The following HOXD3 variants were observed in gnomAD, a reference collection of about 807,000 sequenced individuals.
The protein encoded by HOXD3 is homeobox D3, also known as homeobox protein Hox-D3.
HOXD3 carries 13 observed loss-of-function variants against 32.8 expected under a neutral mutation model. That is an observed-to-expected ratio of 0.40 (90% confidence interval 0.26 to 0.63). The LOEUF (loss-of-function observed/expected upper bound fraction) is 0.63, where lower values mean the gene tolerates loss of function less well. HOXD3 is among the 20% of genes least tolerant of loss of function. The pLI, the probability that HOXD3 is intolerant of heterozygous loss-of-function variation, is 0.44. For missense variants in HOXD3, 504 were observed against 577.1 expected, an observed-to-expected ratio of 0.87 and a Z score of 1.30; for synonymous variants, 241 against 246.8, an observed-to-expected ratio of 0.98 and a Z score of 0.22.
intron 3 of HOXD3, among the ~76,000 whole-genome samples, chr2:176,170,922 TG>T (rs1047978724): frequency 6.1e-5 from 9 of 147,766 alleles, no homozygotes; most frequent in Non-Finnish European, 1.2e-4. Flanking sequence ...TTTGTTTGGT[TG>T]GTTTTTTTTT....
At chr2:176,170,709 C>G (rs1180379736) in intron 3 of HOXD3, among the ~76,000 whole-genome samples, 1 of 152,108 alleles carries the variant, frequency 6.6e-6, no homozygotes, top group Non-Finnish European at 1.5e-5. Context: ...CCTGCCCCTC[C>G]TTCCTCAGCT....
At chr2:176,170,823 C>A (rs1691145164) in intron 3 of HOXD3, among the ~76,000 whole-genome samples, 1 of 151,926 alleles carries the variant, frequency 6.6e-6, no homozygotes, top group African/African-American at 2.4e-5. Context: ...AGTGTTGAGG[C>A]TGCTGCTCCT....
rs1691105759 is a variant in HOXD3, at chr2:176,169,528, G to A, written c.414G>A (p.Val138=). The change falls in exon 3 of 4, where the codon GTG becomes GTA. Residue 138 remains valine, a synonymous_variant. Coordinates refer to ENST00000683222, the MANE Select transcript of HOXD3 (RefSeq NM_006898.5). The part of the protein sequence containing the change: ...PSSPTNPGGG[V]PAKKPKGGPN... ...CACCCACCAATCCTGGAGGTGGAGT[G>A]CCTGCCAAGAAGCCCAAAGGTGGGC... 1.9e-6 allele frequency: 3 copies of A among 1,614,042 alleles called. No homozygotes were observed. Among genetic ancestry groups the A allele is most frequent in the Non-Finnish European group, 2.5e-6 (3 of 1,180,000 alleles).
At chr2:176,170,530 C>T (rs1691135487) in intron 3 of HOXD3, among the ~76,000 whole-genome samples, 1 of 152,144 alleles carries the variant, frequency 6.6e-6, no homozygotes, top group Admixed American at 6.5e-5. Flanking sequence ...AATTTTCTGA[C>T]CTTGTGGTAT....
chr2:176,159,210 A>G (rs1574977698), intron 1 of HOXD3, among the ~76,000 whole-genome samples: 2 of 116,886 alleles, frequency 1.7e-5, no homozygotes, highest in South Asian at 3.0e-4. Flanking sequence ...CTCTGGCAAG[A>G]GGCTAGGGGG....
chr2:176,159,648 C>G (rs967432570), intron 1 of HOXD3, among the ~76,000 whole-genome samples: 5 of 152,250 alleles, frequency 3.3e-5, no homozygotes, highest in Admixed American at 2.0e-4. Flanking sequence ...ACGCTTAATT[C>G]TTTTTTCCCA....
Position 176,172,633 on chromosome 2 carries a change from C to T in HOXD3, c.*359C>T, listed in dbSNP as rs925639782. 3.6e-6 allele frequency: 1 copy of T among 276,398 alleles called. No homozygotes were observed. The highest frequency in any genetic ancestry group is 6.8e-6 in the Non-Finnish European group (1 of 147,184). The allele number at this position is 276,398 out of a possible 1,614,324, so 17.1% of individuals were successfully genotyped here. ...GAGCTTGGAGAGTCTTGGGCCTGGC[C>T]CGCGTCTAGCTTAGTTTCAGAGACC... is the stretch of plus-strand genomic sequence containing the variant. On this transcript the variant is annotated 3_prime_UTR_variant, in exon 4 of 4. Coordinates refer to ENST00000683222, the MANE Select transcript of HOXD3 (RefSeq NM_006898.5).
upstream of HOXD3, among the ~76,000 whole-genome samples, chr2:176,156,096 TAACAGAAG>T (rs1690639139): frequency 6.6e-6 from 1 of 152,242 alleles, no homozygotes. Context: ...TTTGGTGCCT[TAACAGAAG>T]CATTCATCCT....
upstream of HOXD3, chr2:176,153,061 A>G: frequency 1.0e-6 from 1 of 982,764 alleles, no homozygotes; most frequent in Non-Finnish European, 1.6e-6. Flanking sequence ...GACCTGGGAC[A>G]AGCAGGCCGC....
At chr2:176,171,486 C>T (rs954669621) in intron 3 of HOXD3, 31 bp from the exon 4 acceptor site, 4 of 1,550,620 alleles carry the variant, frequency 2.6e-6, no homozygotes, top group African/African-American at 1.4e-5. Context: ...CCCACTCGCT[C>T]AGCGCCCTCC....
intron 1 of HOXD3, among the ~76,000 whole-genome samples, chr2:176,159,533 C>T (rs2857538): frequency 0.76 from 116,193 of 152,134 alleles, 45,049 homozygotes; most frequent in African/African-American, 0.89. Flanking sequence ...ACTTCGGGGA[C>T]AGGGTGGAGA....
chr2:176,169,719 G>C, intron 3 of HOXD3, 64 bp downstream of exon 3: 2 of 1,515,118 alleles, frequency 1.3e-6, no homozygotes, highest in Non-Finnish European at 1.8e-6. Flanking sequence ...AGGAAGCCTA[G>C]TCAGGGCTGG....
intron 1 of HOXD3, among the ~76,000 whole-genome samples, chr2:176,159,815 G>C (rs1291977921): frequency 6.6e-6 from 1 of 152,236 alleles, no homozygotes; most frequent in East Asian, 1.9e-4. Context: ...CAGGAAGCGG[G>C]AAGTCGCGGC....
upstream of HOXD3, among the ~76,000 whole-genome samples, chr2:176,155,607 G>C (rs1264966564): frequency 6.6e-6 from 1 of 152,216 alleles, no homozygotes; most frequent in Admixed American, 6.5e-5. Context: ...CCACAGGAGT[G>C]GGCCAGGGAA....
chr2:176,166,722 A>G (rs150704107), intron 2 of HOXD3, among the ~76,000 whole-genome samples: 1 of 152,362 alleles, frequency 6.6e-6, no homozygotes, highest in African/African-American at 2.4e-5. Context: ...ACAACATAGT[A>G]TCTTGGTATT....
At chr2:176,167,218 G>A (rs1297183613) in intron 2 of HOXD3, among the ~76,000 whole-genome samples, 1 of 152,128 alleles carries the variant, frequency 6.6e-6, no homozygotes, top group Admixed American at 6.5e-5. Context: ...CTAATTCTGG[G>A]TCCATTCATC....
At chr2:176,168,274 A>AAAC (rs1553522193) in intron 2 of HOXD3, among the ~76,000 whole-genome samples, 21 of 150,032 alleles carry the variant, frequency 1.4e-4, no homozygotes, top group Non-Finnish European at 2.7e-4. Context: ...AAAAAAAAAA[A>AAAC]AAAAAACTAA....
At chr2:176,158,766 G>T (rs2105430962) in intron 1 of HOXD3, among the ~76,000 whole-genome samples, 1 of 152,230 alleles carries the variant, frequency 6.6e-6, no homozygotes. Flanking sequence ...GATTCCAGGC[G>T]CTTTCTCTGA....
In HOXD3 at chr2:176,172,620, T is replaced by A; in HGVS notation, c.*346T>A. Reference sequence around the variant, plus strand: ...TGCAGAGGGACCAGAGCTTGGAGAGTCTTGGGCCTGGCCCGCGTCTAGCTT... The same window carrying A: ...TGCAGAGGGACCAGAGCTTGGAGAGACTTGGGCCTGGCCCGCGTCTAGCTT... On this transcript the variant is annotated 3_prime_UTR_variant, in exon 4 of 4. Coordinates refer to ENST00000683222, the MANE Select transcript of HOXD3 (RefSeq NM_006898.5). The A allele has an allele frequency of 3.4e-6, 1 of 297,180 alleles. No individual in the cohort carries two copies. Among genetic ancestry groups the A allele is most frequent in the Admixed American group, 4.5e-5 (1 of 21,984 alleles). 18.4% of individuals were successfully genotyped at this position (297,180 alleles called of 1,614,324 possible). A position where few individuals can be genotyped will look rare whatever the true frequency, so the allele number is the denominator to read the frequency against.
Sources: gnomAD v4.1 joint callset for allele counts (sites outside exome capture counted in the v4.1 genomes callset) on GRCh38, gnomAD v4.1.1 for gene constraint, MANE v1.5 for transcripts, NCBI Gene and HGNC (gene_info 2026-07-23, HGNC 2026-07-21) for gene names.